The following ATP6V1H variants were observed in gnomAD, a reference collection of about 807,000 sequenced individuals.
The protein encoded by ATP6V1H is ATPase H+ transporting V1 subunit H, also known as V-type proton ATPase subunit H.
In ATP6V1H, 39 loss-of-function variants were observed where a neutral mutation model predicts 71.7. That is an observed-to-expected ratio of 0.54 (90% CI 0.42 to 0.71). ATP6V1H has a LOEUF of 0.71. Ranked by LOEUF, ATP6V1H falls within the 30% of genes least tolerant of loss-of-function variation. The probability of loss-of-function intolerance (pLI) is 0.00; values close to 1 mark genes in which losing one functional copy is unlikely to be tolerated. For missense variants in ATP6V1H, 509 were observed against 594.9 expected, an observed-to-expected ratio of 0.86 and a Z score of 1.50; for synonymous variants, 192 against 199.3, an observed-to-expected ratio of 0.96 and a Z score of 0.31.
chr8:53,769,829 A>C, intron 10 of ATP6V1H, 86 bp from the exon 11 acceptor site: 1 of 1,194,062 alleles, frequency 8.4e-7, no homozygotes, highest in Non-Finnish European at 1.2e-6. Context: ...TTCACTTATT[A>C]TTTAATTACA....
rs200733079 is a variant in ATP6V1H at position 53,743,622 on chromosome 8, C to T, written c.1346G>A (p.Arg449His). 11 of 1,613,738 alleles carry T rather than the reference C, an allele frequency of 6.8e-6. No homozygotes were observed. The highest frequency in any genetic ancestry group is 9.3e-6 in the Non-Finnish European group (11 of 1,179,978). The change falls in exon 13 of 14, where the codon CGC (arginine) becomes CAC (histidine). Residue 449 changes from arginine to histidine, a missense_variant. Transcript: ENST00000359530. ...NHMHHEDQQV[R>H]YNALLAVQKL... is the part of the protein sequence containing the mutation. ...CTGCACGGCCAGCAGAGCATTATAG[C>T]GGACCTGCTGGTCTTCATGATGCAT...
chr8:53,823,744 G>A (rs966474028), intron 4 of ATP6V1H, among the ~76,000 whole-genome samples: 1 of 152,146 alleles, frequency 6.6e-6, no homozygotes, highest in African/African-American at 2.4e-5. Context: ...AAAGTGCTGG[G>A]ATTACAGGCA....
At chr8:53,779,858 C>T (rs1210689499) in intron 9 of ATP6V1H, among the ~76,000 whole-genome samples, 1 of 152,112 alleles carries the variant, frequency 6.6e-6, no homozygotes, top group Non-Finnish European at 1.5e-5. Flanking sequence ...GAATTAAACT[C>T]CATCTTTAAG....
chr8:53,786,895 G>A (rs187824818), intron 9 of ATP6V1H, among the ~76,000 whole-genome samples: 4 of 152,300 alleles, frequency 2.6e-5, no homozygotes, highest in Admixed American at 2.6e-4. Context: ...GCAGTGTTTC[G>A]AAAACCATCG....
At chr8:53,760,942 A>G (rs62515794) in intron 11 of ATP6V1H, among the ~76,000 whole-genome samples, 2,240 of 152,318 alleles carry the variant, frequency 0.015, 33 homozygotes, top group Non-Finnish European at 0.024. Context: ...CCTCTTTAAA[A>G]TATTTCACGG....
chr8:53,840,341 C>CA (rs1252502114), intron 2 of ATP6V1H, among the ~76,000 whole-genome samples: 2 of 151,784 alleles, frequency 1.3e-5, no homozygotes, highest in South Asian at 2.1e-4. Flanking sequence ...ACTAAAAATA[C>CA]AAAAAAATTA....
At chr8:53,720,550 A>G (rs559774669) in intron 13 of ATP6V1H, among the ~76,000 whole-genome samples, 1 of 152,332 alleles carries the variant, frequency 6.6e-6, no homozygotes, top group South Asian at 2.1e-4. Context: ...ACCATTACCC[A>G]TTCTAATCAA....
intron 2 of ATP6V1H, among the ~76,000 whole-genome samples, chr8:53,834,304 A>C (rs1811092482): frequency 6.6e-6 from 1 of 152,246 alleles, no homozygotes; most frequent in East Asian, 1.9e-4. Context: ...ATGCAGATTA[A>C]ATGAAAAAAT....
intron 9 of ATP6V1H, among the ~76,000 whole-genome samples, chr8:53,775,208 C>T (rs1247001772): frequency 2.6e-5 from 4 of 151,868 alleles, no homozygotes; most frequent in Admixed American, 6.6e-5. Flanking sequence ...TCGTTCCTCC[C>T]GGTAGGTTCA....
At chr8:53,781,234 T>C (rs899599200) in intron 9 of ATP6V1H, among the ~76,000 whole-genome samples, 1 of 152,236 alleles carries the variant, frequency 6.6e-6, no homozygotes. Flanking sequence ...ATCGCCATTC[T>C]AACTGGTGTG....
chr8:53,822,408 A>G (rs1318666305), intron 4 of ATP6V1H, among the ~76,000 whole-genome samples: 2 of 152,134 alleles, frequency 1.3e-5, no homozygotes, highest in Admixed American at 1.3e-4. Context: ...AGAGAGGAAA[A>G]GTAGAATAAG....
At chr8:53,804,682 G>A (rs1209383167) in intron 7 of ATP6V1H, among the ~76,000 whole-genome samples, 1 of 152,140 alleles carries the variant, frequency 6.6e-6, no homozygotes, top group Non-Finnish European at 1.5e-5. Context: ...TCAAAAAAAA[G>A]AAAATAGCGA....
At chr8:53,774,833 A>G (rs1808804288) in intron 9 of ATP6V1H, among the ~76,000 whole-genome samples, 1 of 152,236 alleles carries the variant, frequency 6.6e-6, no homozygotes, top group African/African-American at 2.4e-5. Flanking sequence ...CTAAGGAGAC[A>G]GAGGACAATT....
rs770650270 is a variant in ATP6V1H at position 53,832,995 on chromosome 8, C to A, written c.205G>T (p.Glu69Ter). The A allele has an allele frequency of 1.9e-6, 3 of 1,611,512 alleles. No homozygotes were observed. The highest frequency in any genetic ancestry group is 2.5e-6 in the Non-Finnish European group (3 of 1,177,898). ...PEEKQEMLQTEGSQCAKTFIN... is the reference protein window; with the variant it reads ...PEEKQEMLQT ...TGTTTATTCATCACCTGGCTGCCTT[C>A]AGTTTGAAGCATCTCTTGCTTCTCT... is the stretch of plus-strand genomic sequence containing the variant. The change falls in exon 3 of 14, where the codon GAA becomes TAA. Residue 69 changes from glutamate (E) to a stop codon, truncating the protein, a stop_gained. Coordinates refer to ENST00000359530, the MANE Select transcript of ATP6V1H (RefSeq NM_015941.4). LOFTEE classifies it high-confidence loss of function.
intron 2 of ATP6V1H, chr8:53,839,597 C>T: frequency 1.0e-6 from 1 of 985,248 alleles, no homozygotes; most frequent in South Asian, 4.7e-5. Context: ...CTTCTCTCTA[C>T]CTCTAGACTT....
chr8:53,828,116 G>A (rs1208389278), intron 4 of ATP6V1H, among the ~76,000 whole-genome samples: 1 of 152,208 alleles, frequency 6.6e-6, no homozygotes, highest in Non-Finnish European at 1.5e-5. Context: ...ATTCCTTTGA[G>A]TATCTACCCA....
intron 2 of ATP6V1H, among the ~76,000 whole-genome samples, chr8:53,833,566 AC>A (rs1367935444): frequency 6.6e-6 from 1 of 151,460 alleles, no homozygotes; most frequent in Non-Finnish European, 1.5e-5. Context: ...AAAAAAAAAA[AC>A]AAAACTGATT....
chr8:53,835,965 G>T (rs1811145897), intron 2 of ATP6V1H, among the ~76,000 whole-genome samples: 1 of 152,128 alleles, frequency 6.6e-6, no homozygotes, highest in African/African-American at 2.4e-5. Context: ...CCCACAGATG[G>T]CAGTGGCACT....
chr8:53,808,566 A>G (rs948494206), intron 7 of ATP6V1H, among the ~76,000 whole-genome samples: 3 of 152,166 alleles, frequency 2.0e-5, no homozygotes, highest in African/African-American at 7.2e-5. Flanking sequence ...TCAGGAGTTC[A>G]AGACCAGCCT....
Sources: gnomAD v4.1 joint callset for allele counts (sites outside exome capture counted in the v4.1 genomes callset) on GRCh38, gnomAD v4.1.1 for gene constraint, MANE v1.5 for transcripts, NCBI Gene and HGNC (gene_info 2026-07-23, HGNC 2026-07-21) for gene names.